SH3GL3: variants seen among roughly 807,000 people sequenced by gnomAD.
SH3GL3 encodes the protein SH3 domain containing GRB2 like 3, endophilin A3, also known as endophilin-A3.
In SH3GL3, 33 loss-of-function variants were observed where a neutral mutation model predicts 47.7. The ratio of observed to expected loss-of-function variants is 0.69; its 90% confidence interval spans 0.52 to 0.92. The LOEUF (loss-of-function observed/expected upper bound fraction) is 0.92. Ranked by LOEUF, SH3GL3 falls within the 40% of genes least tolerant of loss-of-function variation. SH3GL3 has a pLI of 0.00. For missense variants in SH3GL3, 363 were observed against 417.8 expected (o/e 0.87, Z 1.14); for synonymous variants, 155 against 148.8 (o/e 1.04, Z -0.30).
chr15:83,481,074 G>C (rs548829224), intron 1 of SH3GL3, among the ~76,000 whole-genome samples: 1 of 152,170 alleles, frequency 6.6e-6, no homozygotes, highest in South Asian at 2.1e-4. Context: ...TTAGGAGTTC[G>C]AGACCAGGCT....
In SH3GL3 at chr15:83,447,442, G is replaced by T; in HGVS notation, c.-92G>T. On this transcript the variant is annotated 5_prime_UTR_variant, in exon 1 of 9. Coordinates refer to ENST00000427482, the MANE Select transcript of SH3GL3 (RefSeq NM_003027.5). The surrounding 1 kb of genome is among the most constrained non-coding windows in gnomAD (Gnocchi z 5.1). Reference sequence around the variant, plus strand: ...GCCCGGCGGAGCCCAGCCGCGGGGGGACCGGCCCGGGCTCCCGCTCCCCGA... The same window carrying T: ...GCCCGGCGGAGCCCAGCCGCGGGGGTACCGGCCCGGGCTCCCGCTCCCCGA... 1.8e-6 allele frequency: 2 copies of T among 1,140,476 alleles called. No homozygotes were observed. Among genetic ancestry groups the T allele is most frequent in the Non-Finnish European group, 2.3e-6 (2 of 876,946 alleles). 70.6% of individuals were successfully genotyped at this position (1,140,476 alleles called of 1,614,324 possible). A position where few individuals can be genotyped will look rare whatever the true frequency, so the allele number is the denominator to read the frequency against.
intron 1 of SH3GL3, among the ~76,000 whole-genome samples, chr15:83,551,636 A>C (rs779842906): frequency 1.3e-4 from 19 of 151,888 alleles, no homozygotes; most frequent in Non-Finnish European, 2.8e-4. Context: ...CTTATCACTC[A>C]CCTTTCTAAA....
chr15:83,624,430 G>A, the SH3GL3 span, among the ~76,000 whole-genome samples: 3 of 152,214 alleles, frequency 2.0e-5, no homozygotes, highest in South Asian at 6.2e-4. Context: ...AAAGCGCAAA[G>A]AGCAGGAAGC....
In SH3GL3 at chr15:83,602,358, T is replaced by C. The variant is rs1028770243; in HGVS notation, c.838+13587T>C. Among the ~76,000 whole-genome samples, 4 of 152,144 alleles carry C rather than the reference T, an allele frequency of 2.6e-5. No individual in the cohort carries two copies. In the East Asian group the frequency reaches 7.7e-4, roughly 29 times the overall value. ...ACAAAATACCTTAGACTGGGTAGCT[T>C]TTACTTACAGTCTGGAGGCTGAGAT... On this transcript the variant is annotated intron_variant, in intron 8 of 8. Transcript: ENST00000427482.
chr15:83,554,240 T>C (rs972042202), intron 1 of SH3GL3, among the ~76,000 whole-genome samples: 4 of 151,882 alleles, frequency 2.6e-5, no homozygotes, highest in African/African-American at 7.3e-5. Context: ...CAGACTGGAG[T>C]GCAATGGCGC....
chr15:83,583,849 C>T (rs924341051), intron 6 of SH3GL3, among the ~76,000 whole-genome samples: 5 of 152,252 alleles, frequency 3.3e-5, no homozygotes, highest in Non-Finnish European at 7.4e-5. Flanking sequence ...GGCCCAGCCA[C>T]GATGGGCCCA....
chr15:83,493,401 A>T (rs572806299), intron 1 of SH3GL3, among the ~76,000 whole-genome samples: 3 of 152,362 alleles, frequency 2.0e-5, no homozygotes, highest in Admixed American at 1.3e-4. Context: ...AAAAAAGCAC[A>T]TGTACACCTT....
At chr15:83,549,406 G>C (rs1417312694) in intron 1 of SH3GL3, among the ~76,000 whole-genome samples, 1 of 152,192 alleles carries the variant, frequency 6.6e-6, no homozygotes, top group Admixed American at 6.5e-5. Context: ...GTAAAGGCTT[G>C]TAACCTTGCT....
the SH3GL3 span, among the ~76,000 whole-genome samples, chr15:83,626,457 T>G: frequency 6.6e-6 from 1 of 152,300 alleles, no homozygotes; most frequent in Admixed American, 6.5e-5. Context: ...TATGACTGGG[T>G]AGGTAAGTCT....
At chr15:83,617,948 G>T in intron 8 of SH3GL3, 134 bp from the exon 9 acceptor site, 2 of 650,842 alleles carry the variant, frequency 3.1e-6, no homozygotes, top group Non-Finnish European at 2.7e-6. Context: ...ACCGTGAGCT[G>T]GGTGGAGCTG....
At chr15:83,575,989 T>G (rs1323253036) in intron 5 of SH3GL3, among the ~76,000 whole-genome samples, 1 of 152,146 alleles carries the variant, frequency 6.6e-6, no homozygotes, top group East Asian at 1.9e-4. Context: ...TGTTATATTT[T>G]GTTAAAGCGG....
intron 1 of SH3GL3, among the ~76,000 whole-genome samples, chr15:83,471,313 C>T (rs758552880): frequency 1.3e-5 from 2 of 152,158 alleles, no homozygotes; most frequent in Non-Finnish European, 2.9e-5. Context: ...AATATTCTGC[C>T]ACTTTCTCCT....
At chr15:83,616,777 GA>G (rs1413877630) in intron 8 of SH3GL3, among the ~76,000 whole-genome samples, 1 of 151,610 alleles carries the variant, frequency 6.6e-6, no homozygotes, top group Non-Finnish European at 1.5e-5. Flanking sequence ...AAAAGGAAGA[GA>G]AATCGAGAAA....
chr15:83,460,619 T>G (rs1281740159), intron 1 of SH3GL3, among the ~76,000 whole-genome samples: 1 of 152,232 alleles, frequency 6.6e-6, no homozygotes, highest in Non-Finnish European at 1.5e-5. Flanking sequence ...CTTTATTAGC[T>G]TTTTGATTAT....
chr15:83,529,601 C>T (rs2043576740), intron 1 of SH3GL3, among the ~76,000 whole-genome samples: 1 of 151,808 alleles, frequency 6.6e-6, no homozygotes, highest in African/African-American at 2.4e-5. Context: ...CTGTCCTTAA[C>T]CTTCTGATGG....
At chr15:83,627,646 T>C in the SH3GL3 span, among the ~76,000 whole-genome samples, 1 of 152,112 alleles carries the variant, frequency 6.6e-6, no homozygotes, top group Non-Finnish European at 1.5e-5. Flanking sequence ...TTTGATTGAA[T>C]TTACTGGGGA....
chr15:83,591,747 G>A (rs1405104187), intron 8 of SH3GL3, among the ~76,000 whole-genome samples: 3 of 152,146 alleles, frequency 2.0e-5, no homozygotes, highest in African/African-American at 7.2e-5. Context: ...GTGCAGTGGC[G>A]CCATCTCGGC....
chr15:83,624,604 GT>G, the SH3GL3 span, among the ~76,000 whole-genome samples: 1 of 152,184 alleles, frequency 6.6e-6, no homozygotes, highest in Non-Finnish European at 1.5e-5. Context: ...AGTGGGTCTA[GT>G]GTTTTAAGAT....
intron 8 of SH3GL3, among the ~76,000 whole-genome samples, chr15:83,599,150 A>C (rs2060314535): frequency 6.6e-6 from 1 of 152,118 alleles, no homozygotes; most frequent in African/African-American, 2.4e-5. Flanking sequence ...GGAGAATTTC[A>C]ACTTCCCATG....
Sources: gnomAD v4.1 joint callset for allele counts (sites outside exome capture counted in the v4.1 genomes callset) on GRCh38, gnomAD v4.1.1 for gene constraint, Gnocchi (gnomAD v3.1) non-coding constraint, MANE v1.5 for transcripts, NCBI Gene and HGNC (gene_info 2026-07-23, HGNC 2026-07-21) for gene names.